FHIT: variants seen among roughly 807,000 people sequenced by gnomAD.
FHIT encodes the protein bis(5'-adenosyl)-triphosphatase.
In FHIT, 19 loss-of-function variants were observed where a neutral mutation model predicts 17.9. That is an observed-to-expected ratio of 1.06 (90% CI 0.74 to 1.56). The LOEUF (loss-of-function observed/expected upper bound fraction) is 1.56. Among genes scored for constraint, FHIT ranks in the 40% most tolerant of loss-of-function variants. FHIT has a pLI of 0.00. For missense variants in FHIT, 248 were observed against 189.2 expected (o/e 1.31, Z -1.82); for synonymous variants, 81 against 69.7 (o/e 1.16, Z -0.81).
At chr3:59,847,645 T>C (rs1002962602) in intron 8 of FHIT, among the ~76,000 whole-genome samples, 2 of 152,208 alleles carry the variant, frequency 1.3e-5, no homozygotes, top group Non-Finnish European at 2.9e-5. Flanking sequence ...TGTTGCTCTA[T>C]ATGCCTTGTA....
chr3:60,189,505 C>A (rs213426), intron 5 of FHIT, among the ~76,000 whole-genome samples: 39,909 of 151,984 alleles, frequency 0.26, 5,475 homozygotes, highest in Middle Eastern at 0.35. Flanking sequence ...TCCGCCCTAC[C>A]CCCATTCTTC....
intron 2 of FHIT, among the ~76,000 whole-genome samples, chr3:61,182,289 T>C (rs1309632847): frequency 6.6e-6 from 1 of 152,192 alleles, no homozygotes; most frequent in Non-Finnish European, 1.5e-5. Flanking sequence ...CCAGATAAAA[T>C]GACACAACTG....
intron 5 of FHIT, among the ~76,000 whole-genome samples, chr3:60,192,723 C>T (rs1184426679): frequency 6.6e-6 from 1 of 152,176 alleles, no homozygotes; most frequent in Non-Finnish European, 1.5e-5. Flanking sequence ...TCACCCCACA[C>T]TCTGAGTCCT....
At chr3:61,097,632 A>G (rs921160933) in intron 2 of FHIT, among the ~76,000 whole-genome samples, 2 of 152,046 alleles carry the variant, frequency 1.3e-5, no homozygotes, top group African/African-American at 4.8e-5. Context: ...TGACTTTTTA[A>G]TAATAGCCAT....
intron 3 of FHIT, among the ~76,000 whole-genome samples, chr3:61,016,563 G>A (rs1180369609): frequency 6.6e-6 from 1 of 152,178 alleles, no homozygotes; most frequent in East Asian, 1.9e-4. Context: ...TAATAGATAA[G>A]AGCCTGCAGC....
rs1265683403 is a variant in FHIT, at chr3:60,173,909, A to ATT, written c.104-159758_104-159757insAA. 2.0e-4 allele frequency among the ~76,000 whole-genome samples: 14 copies of ATT among 69,764 alleles called. 1 individual carries two copies. Among genetic ancestry groups the ATT allele is most frequent in the Admixed American group, 1.1e-3 (6 of 5,252 alleles). The allele number at this position is 69,764 out of a possible 152,430, so 45.8% of individuals were successfully genotyped here. A position where few individuals can be genotyped will look rare whatever the true frequency, so the allele number is the denominator to read the frequency against. On this transcript the variant is annotated intron_variant, in intron 5 of 9. Coordinates refer to ENST00000492590, the MANE Select transcript of FHIT (RefSeq NM_002012.4). Reference sequence around the variant, plus strand: ...AATATATATATATATATATATATATATATATATGTTTTTTTTTTTTTTTGA... The same window carrying ATT: ...AATATATATATATATATATATATATATTTATATATGTTTTTTTTTTTTTTTGA...
rs34153115 is a variant in FHIT, at chr3:60,681,973, A to ATT, written c.-18+139944_-18+139945dup. ...TGAAGGTGGCTACACTAAACAGCAG[A>ATT]TTTTTTTTTTTTTTTTGAAACATAG... On this transcript the variant is annotated intron_variant, in intron 4 of 9. Transcript: ENST00000492590. Among the ~76,000 whole-genome samples the ATT allele has an allele frequency of 1.4e-3, 209 of 145,118 alleles. 1 individual carries two copies. Among genetic ancestry groups the ATT allele is most frequent in the South Asian group, 5.5e-3 (25 of 4,542 alleles).
intron 8 of FHIT, among the ~76,000 whole-genome samples, chr3:59,904,191 T>A (rs1575671262): frequency 1.7e-5 from 2 of 119,622 alleles, no homozygotes; most frequent in African/African-American, 6.3e-5. Context: ...CATCAACACC[T>A]AACAAAAGGA....
chr3:61,228,531 CA>C (rs879590683), intron 1 of FHIT, among the ~76,000 whole-genome samples: 2 of 152,128 alleles, frequency 1.3e-5, no homozygotes, highest in African/African-American at 4.8e-5. Context: ...TCCCATGTCA[CA>C]AAAAAACTTA....
intron 4 of FHIT, among the ~76,000 whole-genome samples, chr3:60,744,651 G>C (rs1407930215): frequency 6.6e-6 from 1 of 152,164 alleles, no homozygotes; most frequent in African/African-American, 2.4e-5. Flanking sequence ...TGTTAATGAA[G>C]TCTTGCCTGA....
At chr3:61,017,154 C>T (rs892806164) in intron 3 of FHIT, among the ~76,000 whole-genome samples, 2 of 152,046 alleles carry the variant, frequency 1.3e-5, no homozygotes, top group Non-Finnish European at 2.9e-5. Flanking sequence ...GCAAGGTATG[C>T]TGGCAGGTGC....
intron 3 of FHIT, among the ~76,000 whole-genome samples, chr3:61,005,169 T>C (rs2031360928): frequency 6.6e-6 from 1 of 152,226 alleles, no homozygotes; most frequent in Admixed American, 6.5e-5. Context: ...CTCAGATATG[T>C]TGCCTATAAT....
intron 4 of FHIT, among the ~76,000 whole-genome samples, chr3:60,544,242 A>T (rs951820036): frequency 4.6e-5 from 7 of 151,678 alleles, no homozygotes; most frequent in African/African-American, 1.7e-4. Context: ...GCTGAGTTTA[A>T]ACTTCTTTTT....
At chr3:60,832,565 A>G (rs1166707646) in intron 3 of FHIT, among the ~76,000 whole-genome samples, 1 of 152,140 alleles carries the variant, frequency 6.6e-6, no homozygotes, top group African/African-American at 2.4e-5. Context: ...ACCAATTTCA[A>G]TAGAAACCAG....
intron 5 of FHIT, among the ~76,000 whole-genome samples, chr3:60,448,939 T>C (rs190604499): frequency 4.6e-5 from 7 of 152,274 alleles, no homozygotes; most frequent in African/African-American, 1.2e-4. Context: ...GAAGCCTTCA[T>C]TCCAACCAGT....
At chr3:60,150,739 G>A (rs1700430508) in intron 5 of FHIT, among the ~76,000 whole-genome samples, 1 of 152,128 alleles carries the variant, frequency 6.6e-6, no homozygotes, top group Non-Finnish European at 1.5e-5. Flanking sequence ...CCAACATGGT[G>A]AAACCCCTTC....
chr3:60,740,376 A>C (rs2042217916), intron 4 of FHIT, among the ~76,000 whole-genome samples: 1 of 152,192 alleles, frequency 6.6e-6, no homozygotes, highest in Non-Finnish European at 1.5e-5. Context: ...AAAGGAGATA[A>C]TCAATGTACC....
At chr3:61,047,718 C>T (rs2033859124) in intron 2 of FHIT, among the ~76,000 whole-genome samples, 2 of 152,182 alleles carry the variant, frequency 1.3e-5, no homozygotes, top group South Asian at 4.1e-4. Context: ...ATCACGCTAC[C>T]TGACTTCAAA....
intron 5 of FHIT, among the ~76,000 whole-genome samples, chr3:60,415,924 T>C (rs1396581568): frequency 6.8e-6 from 1 of 148,028 alleles, no homozygotes; most frequent in Non-Finnish European, 1.5e-5. Flanking sequence ...AACATATTAA[T>C]TCCATTAATT....
Sources: allele counts gnomAD v4.1 joint callset (sites outside exome capture counted in the v4.1 genomes callset), GRCh38; gene constraint gnomAD v4.1.1; transcripts MANE v1.5; gene names NCBI Gene and HGNC (gene_info 2026-07-23, HGNC 2026-07-21).